RAPGEFL1: variants seen among roughly 807,000 people sequenced by gnomAD.
The protein encoded by RAPGEFL1 is rap guanine nucleotide exchange factor-like 1.
A neutral mutation model predicts 64.4 loss-of-function variants in RAPGEFL1; 31 were observed. The ratio of observed to expected loss-of-function variants is 0.48; its 90% CI spans 0.36 to 0.65. The LOEUF is 0.65. RAPGEFL1 is among the 30% of genes least tolerant of loss of function. The pLI, the probability that RAPGEFL1 is intolerant of heterozygous loss-of-function variation, is 0.00. For missense variants in RAPGEFL1, 682 were observed against 677.4 expected (o/e 1.01, Z -0.08); for synonymous variants, 331 against 274.1 (o/e 1.21, Z -2.05).
intron 4 of RAPGEFL1, 79 bp downstream of exon 4, chr17:40,184,757 A>G (rs990827892): frequency 1.4e-5 from 11 of 784,434 alleles, no homozygotes; most frequent in East Asian, 2.9e-5. Flanking sequence ...CCTCTGGCCT[A>G]TTGGCTGCAA....
chr17:40,187,220 T>G (rs1990107084), intron 4 of RAPGEFL1, among the ~76,000 whole-genome samples: 1 of 152,206 alleles, frequency 6.6e-6, no homozygotes, highest in Admixed American at 6.5e-5. Context: ...CTTAACAGTA[T>G]GCTCTTGTGA....
At chr17:40,188,752 G>A (rs2145217101) in intron 4 of RAPGEFL1, 114 bp from the exon 5 acceptor site, 1 of 775,654 alleles carries the variant, frequency 1.3e-6, no homozygotes, top group East Asian at 2.6e-5. Flanking sequence ...ACCTGAAATT[G>A]CTGCTGGTGC....
Position 40,189,324 on chromosome 17 carries a change from C to T in RAPGEFL1, c.1063C>T (p.Pro355Ser). 1.2e-6 allele frequency: 2 copies of T among 1,614,166 alleles called. No homozygotes were observed. The highest frequency in any genetic ancestry group is 1.7e-6 in the Non-Finnish European group (2 of 1,180,018). The part of the protein sequence containing the change: ...VTEKLQYSEE[P>S]AGREDSLILV... Reference sequence around the variant, plus strand: ...GGAGAAACTTCAATATTCAGAGGAGCCCGCGGGGCGTGAGGATTCCCTCAT... The same window carrying T: ...GGAGAAACTTCAATATTCAGAGGAGTCCGCGGGGCGTGAGGATTCCCTCAT... Residue 355 changes from proline to serine, a missense_variant, in exon 6 of 15, where the codon CCC becomes TCC. Transcript: ENST00000620260.
intron 11 of RAPGEFL1, 82 bp from the exon 12 acceptor site, chr17:40,192,524 A>AGGGGGT: frequency 8.2e-7 from 1 of 1,221,990 alleles, no homozygotes; most frequent in Non-Finnish European, 1.2e-6. Context: ...TATACAAGGC[A>AGGGGGT]GGGGGTGAGG....
At chr17:40,182,968 T>C (rs1051749270) in intron 2 of RAPGEFL1, among the ~76,000 whole-genome samples, 1 of 151,954 alleles carries the variant, frequency 6.6e-6, no homozygotes, top group Admixed American at 6.6e-5. Flanking sequence ...GCCAACAAGG[T>C]GAAACTCCGT....
intron 5 of RAPGEFL1, 43 bp downstream of exon 5, chr17:40,189,021 CA>C (rs1567695343): frequency 1.9e-6 from 3 of 1,574,674 alleles, no homozygotes; most frequent in South Asian, 2.2e-5. Context: ...CTGAGTGGCT[CA>C]GGGGGACATA....
chr17:40,181,588 C>T (rs1484593141), intron 1 of RAPGEFL1, 28 bp from the exon 2 acceptor site: 1 of 702,270 alleles, frequency 1.4e-6, no homozygotes, highest in Admixed American at 2.0e-5. Flanking sequence ...GCCCACCTGA[C>T]ATCTGTGGTG....
At chr17:40,183,584 A>T (rs1450932007) in intron 2 of RAPGEFL1, among the ~76,000 whole-genome samples, 8 of 138,224 alleles carry the variant, frequency 5.8e-5, no homozygotes, top group African/African-American at 2.7e-5. Flanking sequence ...CAATGGCCTG[A>T]CCTCGGCTCA....
chr17:40,181,909 C>T (rs187206433), intron 2 of RAPGEFL1, among the ~76,000 whole-genome samples: 1 of 152,118 alleles, frequency 6.6e-6, no homozygotes, highest in Admixed American at 6.5e-5. Context: ...TAGTGAAACA[C>T]CATCTCTACT....
In RAPGEFL1 at chr17:40,177,665, C is replaced by T. The variant is rs977296474; in HGVS notation, c.-197C>T. The T allele has an allele frequency of 9.7e-6, 4 of 412,236 alleles. No homozygotes were observed. The highest frequency in any genetic ancestry group is 1.7e-5 in the Non-Finnish European group (4 of 237,854). The allele number at this position is 412,236 out of a possible 1,614,324, so 25.5% of individuals were successfully genotyped here. A position where few individuals can be genotyped will look rare whatever the true frequency, so the allele number is the denominator to read the frequency against. On this transcript the variant is annotated 5_prime_UTR_variant, in exon 1 of 15. Coordinates refer to ENST00000620260, the MANE Select transcript of RAPGEFL1 (RefSeq NM_016339.6). Reference sequence around the variant, plus strand: ...GTTGCTGAGAGCGAGCACTCCTTTCCTCTGGCACCTCCCCCGGCTACTGGC... The same window carrying T: ...GTTGCTGAGAGCGAGCACTCCTTTCTTCTGGCACCTCCCCCGGCTACTGGC...
In RAPGEFL1 at chr17:40,192,278, C is replaced by A. The variant is rs367779295; in HGVS notation, c.1656+15C>A. On this transcript the variant is annotated intron_variant, in intron 11 of 14. Coordinates refer to ENST00000620260, the MANE Select transcript of RAPGEFL1 (RefSeq NM_016339.6). Reference sequence around the variant, plus strand: ...AGAACCTGACGGTGAGTGGGTTTGGCTCTTTCTTCTGCTCTTGGACTGAGA... The same window carrying A: ...AGAACCTGACGGTGAGTGGGTTTGGATCTTTCTTCTGCTCTTGGACTGAGA... 2 of 1,612,674 alleles carry A rather than the reference C, an allele frequency of 1.2e-6. No homozygotes were observed. Among genetic ancestry groups the A allele is most frequent in the Admixed American group, 1.7e-5 (1 of 60,016 alleles).
At chr17:40,179,923 G>C (rs1412638139) in intron 1 of RAPGEFL1, among the ~76,000 whole-genome samples, 1 of 152,078 alleles carries the variant, frequency 6.6e-6, no homozygotes. Context: ...AAAAATATCA[G>C]ACACACACAG....
At chr17:40,193,516 T>C in intron 14 of RAPGEFL1, 99 bp downstream of exon 14, 1 of 1,568,394 alleles carries the variant, frequency 6.4e-7, no homozygotes, top group Non-Finnish European at 8.8e-7. Context: ...TTCCATACAC[T>C]TGCTGGTTCC....
chr17:40,177,104 AT>A (rs1273541067), upstream of RAPGEFL1: 6 of 702,614 alleles, frequency 8.5e-6, no homozygotes, highest in Admixed American at 1.2e-4. Flanking sequence ...CAGAAGGAAG[AT>A]AAACTCCACA....
chr17:40,187,553 G>A (rs930150975), intron 4 of RAPGEFL1, among the ~76,000 whole-genome samples: 2 of 151,474 alleles, frequency 1.3e-5, no homozygotes, highest in African/African-American at 2.4e-5. Context: ...CAACTCCTGC[G>A]CTCTCGAACT....
rs1182947880 is a variant in RAPGEFL1, at chr17:40,193,429, G to C, written c.1864+12G>C. ...GAGCCGGCCCCTTTGTGAGTACCCAGGGTACTGAGAGCAGTACAGATAGAG... is the reference window on the plus strand; with the variant it reads ...GAGCCGGCCCCTTTGTGAGTACCCACGGTACTGAGAGCAGTACAGATAGAG... On this transcript the variant is annotated intron_variant, in intron 14 of 14. Coordinates refer to ENST00000620260, the MANE Select transcript of RAPGEFL1 (RefSeq NM_016339.6). 13 of 1,614,118 alleles carry C rather than the reference G, an allele frequency of 8.1e-6. No individual in the cohort carries two copies. The highest frequency in any genetic ancestry group is 1.0e-5 in the Non-Finnish European group (12 of 1,179,980).
At chr17:40,181,829 C>G in intron 2 of RAPGEFL1, 135 bp downstream of exon 2, 1 of 597,084 alleles carries the variant, frequency 1.7e-6, no homozygotes, top group Non-Finnish European at 3.1e-6. Flanking sequence ...CACCTGTAAT[C>G]CCAGCACTTT....
At chr17:40,188,638 G>A in intron 4 of RAPGEFL1, 1 of 556,784 alleles carries the variant, frequency 1.8e-6, no homozygotes, top group Non-Finnish European at 3.2e-6. Flanking sequence ...CCTGGTGGGT[G>A]GGGTGGATCA....
chr17:40,187,363 C>T (rs1328392139), intron 4 of RAPGEFL1, among the ~76,000 whole-genome samples: 1 of 152,120 alleles, frequency 6.6e-6, no homozygotes, highest in Non-Finnish European at 1.5e-5. Flanking sequence ...GTCTAGCATC[C>T]TTCTCTGCCT....
Sources: gnomAD v4.1 joint callset for allele counts (sites outside exome capture counted in the v4.1 genomes callset) on GRCh38, gnomAD v4.1.1 for gene constraint, MANE v1.5 for transcripts, NCBI Gene and HGNC (gene_info 2026-07-23, HGNC 2026-07-21) for gene names.